CIT: variants seen among roughly 807,000 people sequenced by gnomAD.
CIT encodes citron Rho-interacting kinase.
A neutral mutation model predicts 272.7 loss-of-function variants in CIT; 79 were observed. The ratio of observed to expected loss-of-function variants is 0.29; its 90% CI spans 0.24 to 0.35. The LOEUF (loss-of-function observed/expected upper bound fraction) is 0.35, where lower values mean the gene tolerates loss of function less well. CIT is among the 10% of genes least tolerant of loss of function. The pLI, the probability that CIT is intolerant of heterozygous loss-of-function variation, is 1.00. For synonymous variants in CIT, 948 were observed against 995.6 expected (o/e 0.95, Z 0.90); for missense variants, 1,909 against 2,618.3 (o/e 0.73, Z 5.91).
intron 29 of CIT, 110 bp from the exon 30 acceptor site, chr12:119,720,695 A>T (rs1957777657): frequency 1.4e-6 from 1 of 696,676 alleles, no homozygotes; most frequent in Non-Finnish European, 2.3e-6. Context: ...ATATATGAAA[A>T]TCCAACACAA....
chr12:119,850,179 A>G lies in CIT; in HGVS notation c.511T>C (p.Tyr171His). ...AGACAGATGTAAAGACTCACCAGAT[A>G]AAGGTGATTTTTGTCCTGAAAGGCA... ...QYAFQDKNHL[Y>H]LVMEYQPGGD... The change falls in exon 5 of 48, where the codon TAT becomes CAT. Residue 171 changes from tyrosine (Y) to histidine (H), a missense_variant. This residue lies in a region of CIT where 529 missense variants were observed against 549.6 expected (regional missense o/e 0.96). Coordinates refer to ENST00000392521, the MANE Select transcript of CIT (RefSeq NM_001206999.2). The G allele has an allele frequency of 6.3e-7, 1 of 1,586,926 alleles. No homozygotes were observed. Among genetic ancestry groups the G allele is most frequent in the Non-Finnish European group, 8.7e-7 (1 of 1,155,310 alleles).
chr12:119,827,222 G>C (rs990738840), intron 7 of CIT, among the ~76,000 whole-genome samples: 2 of 152,238 alleles, frequency 1.3e-5, no homozygotes, highest in South Asian at 4.1e-4. Context: ...TTGATAGACA[G>C]AAGGGGAGAC....
chr12:119,832,909 A>G lies in CIT; in HGVS notation c.660-45T>C, dbSNP rs1968745590. 3 of 1,416,912 alleles carry G rather than the reference A, an allele frequency of 2.1e-6. No homozygotes were observed. In the East Asian group the frequency reaches 6.8e-5, roughly 32 times the overall value. The allele number at this position is 1,416,912 out of a possible 1,614,324, so 87.8% of individuals were successfully genotyped here. On this transcript the variant is annotated intron_variant, in intron 6 of 47. Coordinates refer to ENST00000392521, the MANE Select transcript of CIT (RefSeq NM_001206999.2). ...ATGAATTGCCTCCTCCATCCCAATC[A>G]GCAAGCAAGTGCTAACCTAGAATCT...
At chr12:119,721,229 A>C in intron 29 of CIT, 80 bp downstream of exon 29, 3 of 1,339,056 alleles carry the variant, frequency 2.2e-6, no homozygotes, top group Non-Finnish European at 3.1e-6. Flanking sequence ...AGCCTCCCGA[A>C]GTGCTGGGAT....
At chr12:119,750,035 G>T (rs1329188127) in intron 23 of CIT, among the ~76,000 whole-genome samples, 1 of 152,186 alleles carries the variant, frequency 6.6e-6, no homozygotes, top group Non-Finnish European at 1.5e-5. Flanking sequence ...AGGAATTACA[G>T]ACCAATCCCC....
At chr12:119,852,700 CA>C (rs201127935) in intron 4 of CIT, among the ~76,000 whole-genome samples, 10 of 127,280 alleles carry the variant, frequency 7.9e-5, no homozygotes, top group Non-Finnish European at 1.7e-5. Flanking sequence ...GACTCTGTCT[CA>C]AAAAAAAAAC....
chr12:119,732,769 C>T (rs1475978716), intron 26 of CIT, among the ~76,000 whole-genome samples: 2 of 152,144 alleles, frequency 1.3e-5, no homozygotes, highest in Non-Finnish European at 2.9e-5. Context: ...ATCGATATTT[C>T]TATGGATAGC....
At chr12:119,729,348 T>C (rs1408701836) in intron 27 of CIT, among the ~76,000 whole-genome samples, 1 of 152,190 alleles carries the variant, frequency 6.6e-6, no homozygotes, top group Non-Finnish European at 1.5e-5. Context: ...AATATAAGTA[T>C]CCGGTAAGAA....
intron 2 of CIT, among the ~76,000 whole-genome samples, chr12:119,872,418 T>G (rs1016709739): frequency 2.0e-5 from 3 of 152,074 alleles, no homozygotes; most frequent in Non-Finnish European, 4.4e-5. Context: ...AAAACAAAAT[T>G]GCTACTGTAT....
At chr12:119,803,490 G>A (rs1188637147) in intron 9 of CIT, 101 bp from the exon 10 acceptor site, 2 of 827,640 alleles carry the variant, frequency 2.4e-6, no homozygotes, top group Non-Finnish European at 3.8e-6. Flanking sequence ...CGGCGCTGGC[G>A]ATGGCACTGC....
At chr12:119,704,332 A>T (rs1565910281) in intron 41 of CIT, 31 bp downstream of exon 41, 1 of 1,599,746 alleles carries the variant, frequency 6.3e-7, no homozygotes. Flanking sequence ...TGGCTTTCCC[A>T]CGTTCAACCA....
chr12:119,770,524 T>A lies in CIT; in HGVS notation c.2208+261A>T, dbSNP rs1962985915. On this transcript the variant is annotated intron_variant, in intron 18 of 47. Coordinates refer to ENST00000392521, the MANE Select transcript of CIT (RefSeq NM_001206999.2). The surrounding 1 kb of genome is among the most constrained non-coding windows in gnomAD (Gnocchi z 4.4). ...TGTATTGAAAATGATAGATGCACGTTCCACTAAAAAAAAAAAAAAAGCCAG... is the reference window on the plus strand; with the variant it reads ...TGTATTGAAAATGATAGATGCACGTACCACTAAAAAAAAAAAAAAAGCCAG... Among the ~76,000 whole-genome samples the A allele has an allele frequency of 1.3e-5, 1 of 74,896 alleles. No homozygotes were observed. The highest frequency in any genetic ancestry group is 1.6e-4 in the Admixed American group (1 of 6,400). 49.1% of individuals were successfully genotyped at this position (74,896 alleles called of 152,430 possible). A position where few individuals can be genotyped will look rare whatever the true frequency, so the allele number is the denominator to read the frequency against.
chr12:119,735,136 C>T, intron 25 of CIT, 24 bp downstream of exon 25: 1 of 1,610,838 alleles, frequency 6.2e-7, no homozygotes, highest in Non-Finnish European at 8.5e-7. Flanking sequence ...CCAGGGATCT[C>T]ACGACCTTGT....
intron 10 of CIT, among the ~76,000 whole-genome samples, chr12:119,786,857 C>G (rs1034251166): frequency 1.1e-4 from 17 of 152,196 alleles, no homozygotes; most frequent in Non-Finnish European, 5.9e-5. Flanking sequence ...CACAGTGGCA[C>G]ATGCCTATAA....
At chr12:119,756,302 G>A (rs1031752297) in intron 22 of CIT, among the ~76,000 whole-genome samples, 4 of 152,196 alleles carry the variant, frequency 2.6e-5, no homozygotes, top group Non-Finnish European at 4.4e-5. Context: ...ACGAAGCAGC[G>A]AAAGCAGGGA....
At chr12:119,809,353 A>G (rs1185291863) in intron 9 of CIT, among the ~76,000 whole-genome samples, 3 of 119,980 alleles carry the variant, frequency 2.5e-5, no homozygotes, top group African/African-American at 9.6e-5. Context: ...TACAAATTCT[A>G]CACTTAGGCA....
intron 9 of CIT, among the ~76,000 whole-genome samples, chr12:119,821,724 C>T (rs1967740202): frequency 6.6e-6 from 1 of 152,102 alleles, no homozygotes; most frequent in South Asian, 2.1e-4. Flanking sequence ...TTTCTAAAAG[C>T]ATAAAAGGAA....
chr12:119,834,288 T>A, intron 5 of CIT, 60 bp from the exon 6 acceptor site: 1 of 1,442,284 alleles, frequency 6.9e-7, no homozygotes, highest in Non-Finnish European at 9.4e-7. Context: ...AATGCCTCAA[T>A]TAGATCCTCG....
intron 9 of CIT, among the ~76,000 whole-genome samples, chr12:119,810,706 G>GAAAA (rs5801367): frequency 5.0e-5 from 5 of 100,236 alleles, no homozygotes; most frequent in Admixed American, 2.2e-4. Flanking sequence ...CATCATCTCA[G>GAAAA]AAAAAAAAAA....
Sources: allele counts gnomAD v4.1 joint callset (sites outside exome capture counted in the v4.1 genomes callset), GRCh38; gene constraint gnomAD v4.1.1; regional missense constraint gnomAD v4.1.1; non-coding constraint Gnocchi (gnomAD v3.1); transcripts MANE v1.5; gene names NCBI Gene and HGNC (gene_info 2026-07-23, HGNC 2026-07-21).